The following FAAH2 variants were observed in gnomAD, a reference collection of about 807,000 sequenced individuals.
FAAH2 encodes the protein fatty acid amide hydrolase 2.
A neutral mutation model predicts 36.9 loss-of-function variants in FAAH2; 60 were observed. The observed-to-expected ratio is 1.63, with a 90% confidence interval of 1.32 to 2.02. FAAH2 has a LOEUF of 2.02. FAAH2 is among the 30% of genes most tolerant of loss of function. The probability of loss-of-function intolerance (pLI) is 0.00; values close to 1 mark genes in which losing one functional copy is unlikely to be tolerated. For synonymous variants in FAAH2, 214 were observed against 143.8 expected, an observed-to-expected ratio of 1.49 and a Z score of -3.49; for missense variants, 689 against 397.5, an observed-to-expected ratio of 1.73 and a Z score of -6.23.
At chrX:57,270,914 T>C in the FAAH2 span, among the ~76,000 whole-genome samples, 1 of 112,126 alleles carries the variant, frequency 8.9e-6, no homozygotes, top group Non-Finnish European at 1.9e-5. Context: ...GGGCAGTCAC[T>C]GAACTAGCTG....
chrX:57,241,563 ATAGTTTTGGCGGT>A, the FAAH2 span, among the ~76,000 whole-genome samples: 1 of 111,737 alleles, frequency 8.9e-6, no homozygotes, highest in Non-Finnish European at 1.9e-5. Flanking sequence ...TTGTATTTCA[ATAGTTTTGGCGGT>A]ACAGGTGGTT....
intron 10 of FAAH2, among the ~76,000 whole-genome samples, chrX:57,450,297 C>G (rs753485666): frequency 4.6e-5 from 5 of 109,257 alleles, no homozygotes; most frequent in African/African-American, 1.3e-4. Flanking sequence ...ATACTAGAAG[C>G]CAGAAATTCT....
intron 10 of FAAH2, among the ~76,000 whole-genome samples, chrX:57,482,929 C>T (rs947737458): frequency 4.6e-5 from 5 of 109,798 alleles, no homozygotes; most frequent in Non-Finnish European, 9.5e-5. Flanking sequence ...TTTTCTCTAC[C>T]TATCTTTAAT....
chrX:57,323,929 G>C (rs1194527061), intron 3 of FAAH2, among the ~76,000 whole-genome samples: 1 of 110,960 alleles, frequency 9.0e-6, no homozygotes, highest in Non-Finnish European at 1.9e-5. Flanking sequence ...CCTATGTCCT[G>C]AATGGTATTG....
chrX:57,461,220 C>A (rs1480890454), intron 10 of FAAH2, among the ~76,000 whole-genome samples: 1 of 110,702 alleles, frequency 9.0e-6, no homozygotes, highest in Non-Finnish European at 1.9e-5. Context: ...ACTTTAACAC[C>A]CAACTGTCAA....
chrX:57,443,688 C>T (rs1340153577), intron 8 of FAAH2, among the ~76,000 whole-genome samples: 2 of 111,859 alleles, frequency 1.8e-5, no homozygotes, highest in African/African-American at 3.3e-5. Context: ...AGAAGAGGTG[C>T]TCTGATTTTT....
chrX:57,241,595 C>T, the FAAH2 span, among the ~76,000 whole-genome samples: 1 of 111,559 alleles, frequency 9.0e-6, no homozygotes. Context: ...TTTCTGGTTA[C>T]ATGTATGTGT....
the FAAH2 span, among the ~76,000 whole-genome samples, chrX:57,240,438 C>T: frequency 1.8e-5 from 2 of 111,687 alleles, no homozygotes; most frequent in African/African-American, 3.3e-5. Flanking sequence ...GGCAACAATA[C>T]TCCAATGGGA....
At chrX:57,309,736 G>A (rs2052638865) in intron 2 of FAAH2, among the ~76,000 whole-genome samples, 1 of 111,239 alleles carries the variant, frequency 9.0e-6, no homozygotes, top group Non-Finnish European at 1.9e-5. Flanking sequence ...TTAGTTTGCT[G>A]AGGATAATGG....
intron 7 of FAAH2, among the ~76,000 whole-genome samples, chrX:57,423,730 G>A (rs950996480): frequency 1.8e-5 from 2 of 111,317 alleles, no homozygotes; most frequent in Admixed American, 1.9e-4. Flanking sequence ...CCATTGGGGA[G>A]CCTAAGCATG....
chrX:57,317,250 G>T (rs1342651550), intron 3 of FAAH2, among the ~76,000 whole-genome samples: 1 of 112,390 alleles, frequency 8.9e-6, no homozygotes, highest in Admixed American at 9.4e-5. Context: ...AGACCCATTA[G>T]TCTGCTGTAT....
At chrX:57,272,764 A>G in the FAAH2 span, among the ~76,000 whole-genome samples, 1 of 112,423 alleles carries the variant, frequency 8.9e-6, no homozygotes, top group Admixed American at 9.4e-5. Context: ...AGCACTAAAC[A>G]TGGAAAGGAA....
intron 8 of FAAH2, among the ~76,000 whole-genome samples, chrX:57,434,521 C>T (rs1449290237): frequency 1.8e-5 from 2 of 108,823 alleles, no homozygotes; most frequent in Non-Finnish European, 3.8e-5. Flanking sequence ...GAAGGGGTTA[C>T]AAAAACATTC....
chrX:57,271,830 C>T, the FAAH2 span, among the ~76,000 whole-genome samples: 1 of 110,422 alleles, frequency 9.1e-6, no homozygotes, highest in Non-Finnish European at 1.9e-5. Flanking sequence ...ATACCAAAAT[C>T]CAGAATGCCT....
intron 10 of FAAH2, among the ~76,000 whole-genome samples, chrX:57,486,766 C>G (rs1481804322): frequency 5.4e-5 from 6 of 111,734 alleles, no homozygotes; most frequent in Non-Finnish European, 1.1e-4. Flanking sequence ...ACTGTTACAG[C>G]TTGAGAGAGG....
At chrX:57,208,619 G>A in the FAAH2 span, among the ~76,000 whole-genome samples, 57 of 112,012 alleles carry the variant, frequency 5.1e-4, no homozygotes, top group East Asian at 0.014. Context: ...CAGAAATATA[G>A]GGTGTGGAGT....
chrX:57,313,334 G>T (rs1397366386), intron 3 of FAAH2, among the ~76,000 whole-genome samples: 1 of 109,550 alleles, frequency 9.1e-6, no homozygotes, highest in African/African-American at 3.3e-5. Flanking sequence ...AGGTGAAGAG[G>T]TTGACACCAG....
At chrX:57,274,015 C>T in the FAAH2 span, among the ~76,000 whole-genome samples, 2 of 110,015 alleles carry the variant, frequency 1.8e-5, no homozygotes, top group South Asian at 3.8e-4. Context: ...GACTGCTAGC[C>T]AGACTAATAC....
chrX:57,134,759 T>A, the FAAH2 span: 7 of 111,782 alleles, frequency 6.3e-5, no homozygotes, highest in African/African-American at 2.3e-4. Context: ...AGGACAAATG[T>A]GAGGAGGCAG....
Sources: gnomAD v4.1 joint callset for allele counts (sites outside exome capture counted in the v4.1 genomes callset) on GRCh38, gnomAD v4.1.1 for gene constraint, MANE v1.5 for transcripts, NCBI Gene and HGNC (gene_info 2026-07-23, HGNC 2026-07-21) for gene names.